The following CNTLN variants were observed in gnomAD, a reference collection of about 807,000 sequenced individuals.
CNTLN encodes centlein, also known as centlein, centrosomal protein.
In CNTLN, 212 loss-of-function variants were observed where a neutral mutation model predicts 180.0. The ratio of observed to expected loss-of-function variants is 1.18; its 90% CI spans 1.05 to 1.32. The LOEUF is 1.32. Ranked by LOEUF, CNTLN falls within the 40% of genes most tolerant of loss-of-function variation. CNTLN has a pLI of 0.00. For missense variants in CNTLN, 2,095 were observed against 1,610.9 expected (o/e 1.30, Z -5.14); for synonymous variants, 722 against 563.1 (o/e 1.28, Z -3.99).
chr9:17,448,297 C>T (rs1288807415), intron 18 of CNTLN: 2 of 152,880 alleles, frequency 1.3e-5, no homozygotes, highest in African/African-American at 4.8e-5. Context: ...CATGAGAATT[C>T]CACATTACCT....
chr9:17,247,055 C>G (rs1039961453), intron 5 of CNTLN, among the ~76,000 whole-genome samples: 1 of 152,120 alleles, frequency 6.6e-6, no homozygotes, highest in Non-Finnish European at 1.5e-5. Flanking sequence ...GCAGAAGGTA[C>G]GAGTCTCTCC....
chr9:17,400,732 C>T (rs1290208448), intron 15 of CNTLN, among the ~76,000 whole-genome samples: 3 of 152,038 alleles, frequency 2.0e-5, no homozygotes, highest in African/African-American at 4.8e-5. Flanking sequence ...ATCTGAAACA[C>T]CCCTTACCCC....
At chr9:17,464,776 A>G (rs1404058341) in intron 21 of CNTLN, among the ~76,000 whole-genome samples, 153 bp downstream of exon 21, 2 of 151,336 alleles carry the variant, frequency 1.3e-5, no homozygotes, top group Middle Eastern at 3.4e-3. Flanking sequence ...CTGAAAGTAC[A>G]TTATTTATTT....
intron 8 of CNTLN, among the ~76,000 whole-genome samples, 170 bp from the exon 9 acceptor site, chr9:17,330,462 A>G (rs946730870): frequency 2.0e-5 from 3 of 152,048 alleles, no homozygotes; most frequent in South Asian, 2.1e-4. Context: ...GGAAAATACT[A>G]TTCTATGGAA....
chr9:17,282,309 T>A (rs2132594442), intron 6 of CNTLN, among the ~76,000 whole-genome samples: 1 of 152,294 alleles, frequency 6.6e-6, no homozygotes, highest in East Asian at 1.9e-4. Context: ...TATCTTATTG[T>A]GGTTTTGATT....
At chr9:17,179,261 A>AAAAAAG (rs762439606) in intron 2 of CNTLN, among the ~76,000 whole-genome samples, 57 of 138,648 alleles carry the variant, frequency 4.1e-4, no homozygotes, top group African/African-American at 1.2e-3. Context: ...AAAAAAAAAA[A>AAAAAAG]AAGAAGAAGT....
chr9:17,425,969 G>A (rs865933479), intron 18 of CNTLN, among the ~76,000 whole-genome samples: 7 of 152,178 alleles, frequency 4.6e-5, no homozygotes, highest in African/African-American at 1.7e-4. Flanking sequence ...TACTGATAGT[G>A]CAAATAACGA....
At chr9:17,199,026 A>G (rs1376460098) in intron 2 of CNTLN, among the ~76,000 whole-genome samples, 1 of 152,086 alleles carries the variant, frequency 6.6e-6, no homozygotes, top group Non-Finnish European at 1.5e-5. Context: ...AGGATTTATA[A>G]TCATTTGGGT....
Position 17,394,657 on chromosome 9 carries a change from G to C in CNTLN, c.2203G>C (p.Asp735His), listed in dbSNP as rs1826359916. Reference sequence around the variant, plus strand: ...ATCCCTCTTAAAACAGCAACAAGAAGATACAGAGACCAGAGAAAAAGAGCT... The same window carrying C: ...ATCCCTCTTAAAACAGCAACAAGAACATACAGAGACCAGAGAAAAAGAGCT... Reference protein sequence around the residue: ...LKSLLKQQQEDTETREKELEQ... With the variant: ...LKSLLKQQQEHTETREKELEQ... The change falls in exon 15 of 26, where the codon GAT becomes CAT. Residue 735 changes from aspartate to histidine, a missense_variant. By Grantham distance (81) the Asp-to-His change is moderately conservative. Transcript: ENST00000380647. 11 of 1,612,498 alleles carry C rather than the reference G, an allele frequency of 6.8e-6. No individual in the cohort carries two copies. The highest frequency in any genetic ancestry group is 9.3e-6 in the Non-Finnish European group (11 of 1,179,342).
At chr9:17,391,264 C>T (rs1462099955) in intron 14 of CNTLN, among the ~76,000 whole-genome samples, 3 of 152,094 alleles carry the variant, frequency 2.0e-5, no homozygotes, top group Admixed American at 6.5e-5. Context: ...AGGACAGGAC[C>T]CCTCTGGAAT....
At chr9:17,232,016 C>T (rs1443576882) in intron 3 of CNTLN, among the ~76,000 whole-genome samples, 1 of 152,022 alleles carries the variant, frequency 6.6e-6, no homozygotes, top group Admixed American at 6.6e-5. Context: ...TTAATATTAA[C>T]TCAAGCCAGG....
At chr9:17,137,086 C>G (rs557938416) in intron 1 of CNTLN, among the ~76,000 whole-genome samples, 1 of 152,164 alleles carries the variant, frequency 6.6e-6, no homozygotes, top group African/African-American at 2.4e-5. Context: ...CAAATACTTA[C>G]ATTCTTTAAA....
At chr9:17,425,718 C>T (rs1227775511) in intron 18 of CNTLN, among the ~76,000 whole-genome samples, 1 of 152,044 alleles carries the variant, frequency 6.6e-6, no homozygotes, top group Admixed American at 6.6e-5. Flanking sequence ...AGAGGAAAAG[C>T]AATCCTTATG....
chr9:17,396,281 T>A (rs1826515139), intron 15 of CNTLN, among the ~76,000 whole-genome samples: 1 of 152,238 alleles, frequency 6.6e-6, no homozygotes, highest in African/African-American at 2.4e-5. Flanking sequence ...CACTTTGCAC[T>A]GTGGACTCGC....
intron 6 of CNTLN, among the ~76,000 whole-genome samples, chr9:17,279,155 A>C (rs777933686): frequency 3.3e-5 from 5 of 152,020 alleles, no homozygotes; most frequent in Non-Finnish European, 7.4e-5. Flanking sequence ...TATACTCTGG[A>C]AATAAGCACA....
chr9:17,280,751 T>A (rs1206108346), intron 6 of CNTLN, among the ~76,000 whole-genome samples: 2 of 152,208 alleles, frequency 1.3e-5, no homozygotes, highest in African/African-American at 4.8e-5. Context: ...TTTCCTTTTG[T>A]GTTTTGTCTT....
In CNTLN at chr9:17,227,621, A is replaced by C. The variant is rs543594449; in HGVS notation, c.534+1334A>C. ...CAATTAAAGGTTCATGAGAACTTTGATCTAGGATCAGTTATTGTTATAAAG... is the reference window on the plus strand; with the variant it reads ...CAATTAAAGGTTCATGAGAACTTTGCTCTAGGATCAGTTATTGTTATAAAG... On this transcript the variant is annotated intron_variant, in intron 3 of 25. Transcript: ENST00000380647. 3.3e-5 allele frequency among the ~76,000 whole-genome samples: 5 copies of C among 151,908 alleles called. No homozygotes were observed. In the South Asian group the frequency reaches 1.0e-3, roughly 31 times the overall value.
At chr9:17,228,750 G>T (rs1001076894) in intron 3 of CNTLN, among the ~76,000 whole-genome samples, 2 of 151,990 alleles carry the variant, frequency 1.3e-5, no homozygotes, top group Non-Finnish European at 2.9e-5. Context: ...GAATTATTAG[G>T]TTGGCAGGAA....
At chr9:17,390,160 A>G (rs562282224) in intron 14 of CNTLN, among the ~76,000 whole-genome samples, 130 of 151,880 alleles carry the variant, frequency 8.6e-4, no homozygotes, top group African/African-American at 3.0e-3. Context: ...TTATTATGGC[A>G]AACCTAGCAA....
Sources: gnomAD v4.1 joint callset for allele counts (sites outside exome capture counted in the v4.1 genomes callset) on GRCh38, gnomAD v4.1.1 for gene constraint, MANE v1.5 for transcripts, NCBI Gene and HGNC (gene_info 2026-07-23, HGNC 2026-07-21) for gene names.